Variants in FAT4 observed in about 807,000 individuals in gnomAD.
FAT4 encodes FAT atypical cadherin 4.
A neutral mutation model predicts 303.9 loss-of-function variants in FAT4; 84 were observed. That is an observed-to-expected ratio of 0.28 (90% confidence interval 0.23 to 0.33). FAT4 has a LOEUF of 0.33. Among genes scored for constraint, FAT4 ranks in the 10% least tolerant of loss-of-function variants. FAT4 has a pLI of 1.00. For missense variants in FAT4, 6,005 were observed against 6,146.8 expected (o/e 0.98, Z 0.77); for synonymous variants, 2,307 against 2,298.8 (o/e 1.00, Z -0.10).
intron 5 of FAT4, among the ~76,000 whole-genome samples, chr4:125,412,848 A>T (rs1296193498): frequency 6.6e-6 from 1 of 151,784 alleles, no homozygotes; most frequent in Non-Finnish European, 1.5e-5. Context: ...GCTTGTTGGT[A>T]TTTATTTTCA....
chr4:125,357,085 C>T (rs896265223), intron 2 of FAT4, among the ~76,000 whole-genome samples: 4 of 151,926 alleles, frequency 2.6e-5, no homozygotes, highest in African/African-American at 9.7e-5. Context: ...TAAAAGTGAA[C>T]ATAGCATATA....
chr4:125,374,977 G>T (rs536081739), intron 2 of FAT4, among the ~76,000 whole-genome samples: 1 of 152,222 alleles, frequency 6.6e-6, no homozygotes, highest in South Asian at 2.1e-4. Flanking sequence ...ATATGATATT[G>T]CCCCTTATAT....
chr4:125,478,400 A>T (rs1443683575), intron 14 of FAT4, among the ~76,000 whole-genome samples: 1 of 150,312 alleles, frequency 6.7e-6, no homozygotes, highest in Admixed American at 6.7e-5. Context: ...TTAAATATCA[A>T]TTTTTTTTTT....
intron 12 of FAT4, among the ~76,000 whole-genome samples, chr4:125,473,175 TA>T (rs1467140545): frequency 6.6e-6 from 1 of 152,112 alleles, no homozygotes; most frequent in East Asian, 1.9e-4. Context: ...ATTAAAATTT[TA>T]TTTCTGTGAA....
intron 2 of FAT4, among the ~76,000 whole-genome samples, chr4:125,365,950 T>C (rs544638172): frequency 6.4e-4 from 97 of 152,130 alleles, no homozygotes; most frequent in Non-Finnish European, 1.0e-3. Context: ...TAACGAGCAT[T>C]ACCACCTGAG....
intron 2 of FAT4, among the ~76,000 whole-genome samples, chr4:125,367,519 G>A (rs915411800): frequency 1.3e-5 from 2 of 152,048 alleles, no homozygotes; most frequent in African/African-American, 4.8e-5. Flanking sequence ...ACCTATTAAC[G>A]TGCCAAGAAC....
intron 7 of FAT4, among the ~76,000 whole-genome samples, chr4:125,425,207 G>C (rs2036724): frequency 0.99 from 151,236 of 152,284 alleles, 75,103 homozygotes; most frequent in Middle Eastern, 1. Context: ...GAAAGTTAGG[G>C]ACTAGTATCT....
intron 2 of FAT4, among the ~76,000 whole-genome samples, chr4:125,333,026 T>C (rs1251225802): frequency 6.6e-6 from 1 of 152,048 alleles, no homozygotes; most frequent in African/African-American, 2.4e-5. Context: ...CTACAATAGA[T>C]TTGAAGCAGT....
At position 125,468,714 on chromosome 4, in the gene FAT4, A is replaced by G. The variant is rs199730809; in HGVS notation, c.12108A>G (p.Arg4036=). The G allele has an allele frequency of 1.3e-4, 204 of 1,614,038 alleles. 4 individuals carry two copies. In the South Asian group the frequency reaches 2.1e-3, roughly 17 times the overall value. ...EFLALEIAEE[R]LRFSYNLGSG... Reference sequence around the variant, plus strand: ...TGGCCCTTGAAATTGCCGAAGAAAGACTAAGATTCTCTTATAATTTAGGCA... The same window carrying G: ...TGGCCCTTGAAATTGCCGAAGAAAGGCTAAGATTCTCTTATAATTTAGGCA... Residue 4036 remains arginine (R), a synonymous_variant, in exon 12 of 18, where the codon AGA becomes AGG. Transcript: ENST00000394329.
In FAT4 at chr4:125,449,120, C is replaced by G. The variant is rs1245314987; in HGVS notation, c.8110C>G (p.Gln2704Glu). Residue 2704 changes from glutamine (Q) to glutamate (E), a missense_variant, in exon 10 of 18, where the codon CAG (glutamine) becomes GAG (glutamate). Coordinates refer to ENST00000394329, the MANE Select transcript of FAT4 (RefSeq NM_001291303.3). ...GGACAAGGACAGTGGACCCAATGGACAGTTAGATTATGAAATTGTTAATGG... is the reference window on the plus strand; with the variant it reads ...GGACAAGGACAGTGGACCCAATGGAGAGTTAGATTATGAAATTGTTAATGG... ...AMDKDSGPNG[Q>E]LDYEIVNGNM... The G allele has an allele frequency of 1.2e-6, 2 of 1,613,858 alleles. No homozygotes were observed. Among genetic ancestry groups the G allele is most frequent in the South Asian group, 2.2e-5 (2 of 91,084 alleles).
At position 125,450,609 on chromosome 4, in the gene FAT4, A is replaced by G. The variant is rs1051409893; in HGVS notation, c.9599A>G (p.Asp3200Gly). ...AATTCTCCAGTATTCCTCTCTGATG[A>G]CTATTTCCCTACTGTTTTGGAAAAT... Reference protein sequence around the residue: ...NDNSPVFLSDDYFPTVLENAP... With the variant: ...NDNSPVFLSDGYFPTVLENAP... The change falls in exon 10 of 18, where the codon GAC becomes GGC. Residue 3200 changes from aspartate to glycine, a missense_variant. Coordinates refer to ENST00000394329, the MANE Select transcript of FAT4 (RefSeq NM_001291303.3). 1.2e-6 allele frequency: 2 copies of G among 1,614,002 alleles called. No homozygotes were observed. The highest frequency in any genetic ancestry group is 1.7e-5 in the Admixed American group (1 of 59,998).
chr4:125,406,954 A>G lies in FAT4; in HGVS notation c.5382A>G (p.Gly1794=), dbSNP rs1313780514. The change falls in exon 4 of 18, where the codon GGA becomes GGG. Residue 1794 remains glycine, a synonymous_variant. Coordinates refer to ENST00000394329, the MANE Select transcript of FAT4 (RefSeq NM_001291303.3). ...GTTTTCGCATCGACCCAGAATCCGG[A>G]GATCTGATAGCAACCAGGCGGTTGG... is the stretch of plus-strand genomic sequence containing the variant. The part of the protein sequence containing the change: ...DDSFRIDPES[G]DLIATRRLDR... 6.2e-7 allele frequency: 1 copy of G among 1,613,860 alleles called. No individual in the cohort carries two copies.
At chr4:125,389,615 G>A (rs921283349) in intron 2 of FAT4, among the ~76,000 whole-genome samples, 1 of 152,056 alleles carries the variant, frequency 6.6e-6, no homozygotes, top group Non-Finnish European at 1.5e-5. Context: ...TCCTTAATAA[G>A]TCCCATATAG....
At chr4:125,483,825 G>A (rs1727309570) in intron 16 of FAT4, among the ~76,000 whole-genome samples, 1 of 151,776 alleles carries the variant, frequency 6.6e-6, no homozygotes, top group African/African-American at 2.4e-5. Flanking sequence ...TTGTAAGCAG[G>A]CAAATTATTT....
intron 11 of FAT4, among the ~76,000 whole-genome samples, chr4:125,468,033 C>G (rs1232035677): frequency 6.6e-6 from 1 of 151,858 alleles, no homozygotes; most frequent in African/African-American, 2.4e-5. Flanking sequence ...GCATGGTTCC[C>G]GGCACCTATA....
At chr4:125,395,580 A>G (rs1413084654) in intron 2 of FAT4, among the ~76,000 whole-genome samples, 2 of 152,114 alleles carry the variant, frequency 1.3e-5, no homozygotes, top group Non-Finnish European at 2.9e-5. Flanking sequence ...AGGCCTCCCA[A>G]AGCGTTGGGA....
Position 125,428,145 on chromosome 4 carries a change from A to G in FAT4, c.7019-6100A>G, listed in dbSNP as rs550016014. On this transcript the variant is annotated intron_variant, in intron 7 of 17. Transcript: ENST00000394329. ...AAACCCCGTCTCTACTAAAAACACA[A>G]AAATTAGCCAAGTATGGTGACACAT... is the stretch of plus-strand genomic sequence containing the variant. Among the ~76,000 whole-genome samples the G allele has an allele frequency of 3.3e-5, 5 of 152,100 alleles. No homozygotes were observed. In the East Asian group the frequency reaches 9.8e-4, roughly 30 times the overall value.
Position 125,490,987 on chromosome 4 carries a change from A to G in FAT4, c.14171A>G (p.His4724Arg), listed in dbSNP as rs1238833056. 1.2e-6 allele frequency: 2 copies of G among 1,614,208 alleles called. No homozygotes were observed. Among genetic ancestry groups the G allele is most frequent in the Non-Finnish European group, 1.7e-6 (2 of 1,180,030 alleles). ...FYRNSPARELHLPIRDGNTLE... is the reference protein window; with the variant it reads ...FYRNSPARELRLPIRDGNTLE... ...AGAAACAGCCCAGCAAGGGAATTGCATCTTCCTATAAGGGATGGTAATACT... is the reference window on the plus strand; with the variant it reads ...AGAAACAGCCCAGCAAGGGAATTGCGTCTTCCTATAAGGGATGGTAATACT... Residue 4724 changes from histidine (H) to arginine (R), a missense_variant, in exon 18 of 18, where the codon CAT (histidine) becomes CGT (arginine). Physicochemically the swap from His to Arg is conservative, Grantham distance 29. Coordinates refer to ENST00000394329, the MANE Select transcript of FAT4 (RefSeq NM_001291303.3).
In FAT4 at chr4:125,430,024, G is replaced by T. The variant is rs545067299; in HGVS notation, c.7019-4221G>T. ...CGGGTTCTGTCCTGGGGTGGGATGA[G>T]GGGGGAGGGAAAGCATTAGGAGATA... On this transcript the variant is annotated intron_variant, in intron 7 of 17. Coordinates refer to ENST00000394329, the MANE Select transcript of FAT4 (RefSeq NM_001291303.3). Among the ~76,000 whole-genome samples, 12 of 152,268 alleles carry T rather than the reference G, an allele frequency of 7.9e-5. No individual in the cohort carries two copies. The South Asian group carries it at 1.0e-3, about 13-fold the overall frequency.
Sources: allele counts gnomAD v4.1 joint callset (sites outside exome capture counted in the v4.1 genomes callset), GRCh38; gene constraint gnomAD v4.1.1; transcripts MANE v1.5; gene names NCBI Gene and HGNC (gene_info 2026-07-23, HGNC 2026-07-21).